Variants in NETO1 observed in about 807,000 individuals in gnomAD.
NETO1 encodes the protein neuropilin and tolloid-like protein 1.
In NETO1, 26 loss-of-function variants were observed where a neutral mutation model predicts 61.3. The observed-to-expected ratio is 0.42, with a 90% CI of 0.31 to 0.59. The LOEUF (loss-of-function observed/expected upper bound fraction) is 0.59. NETO1 is among the 20% of genes least tolerant of loss of function. The pLI, the probability that NETO1 is intolerant of heterozygous loss-of-function variation, is 0.12. For missense variants in NETO1, 531 were observed against 662.8 expected (o/e 0.80, Z 2.18); for synonymous variants, 225 against 225.8 (o/e 1.00, Z 0.03).
At chr18:72,855,127 C>T (rs1407064643) in intron 4 of NETO1, among the ~76,000 whole-genome samples, 7 of 152,132 alleles carry the variant, frequency 4.6e-5, no homozygotes, top group Non-Finnish European at 8.8e-5. Flanking sequence ...TATTCCATGG[C>T]GTAACTTTTA....
intron 7 of NETO1, among the ~76,000 whole-genome samples, chr18:72,777,460 G>T (rs1252827610): frequency 1.3e-5 from 2 of 148,760 alleles, no homozygotes; most frequent in Admixed American, 1.4e-4. Flanking sequence ...AAACAAAAAA[G>T]GCCGGGCGCG....
At chr18:72,852,827 CTTTTTCTTTT>C (rs907705921) in intron 4 of NETO1, among the ~76,000 whole-genome samples, 2 of 115,876 alleles carry the variant, frequency 1.7e-5, no homozygotes, top group Non-Finnish European at 1.9e-5. Flanking sequence ...TGATAATTTT[CTTTTTCTTTT>C]TTTTTTTTTT....
intron 1 of NETO1, among the ~76,000 whole-genome samples, chr18:72,865,952 C>T (rs1297947132): frequency 1.3e-5 from 2 of 152,036 alleles, no homozygotes; most frequent in African/African-American, 2.4e-5. Flanking sequence ...ACGTGATTTC[C>T]GAAAGCATTA....
intron 7 of NETO1, among the ~76,000 whole-genome samples, chr18:72,758,484 AAAG>A (rs1211299523): frequency 1.3e-5 from 2 of 151,744 alleles, no homozygotes; most frequent in African/African-American, 2.4e-5. Context: ...TTTTGCTAAT[AAAG>A]AATTGCTGTG....
rs2074714864 is a variant in NETO1 at position 72,865,743 on chromosome 18, G to A, written c.29-502C>T. ...TTAGACAAATCCTACAGACTGTGGAGGAGGAGAATAAGCAAGAAACAGATT... is the reference window on the plus strand; with the variant it reads ...TTAGACAAATCCTACAGACTGTGGAAGAGGAGAATAAGCAAGAAACAGATT... On this transcript the variant is annotated intron_variant, in intron 1 of 10. Transcript: ENST00000327305. The A allele has an allele frequency of 1.0e-5, 15 of 1,445,500 alleles. No individual in the cohort carries two copies. In the Admixed American group the frequency reaches 1.4e-4, roughly 13 times the overall value. 89.5% of individuals were successfully genotyped at this position (1,445,500 alleles called of 1,614,324 possible).
intron 7 of NETO1, among the ~76,000 whole-genome samples, chr18:72,766,283 TG>T (rs1184629411): frequency 6.6e-6 from 1 of 151,220 alleles, no homozygotes; most frequent in Non-Finnish European, 1.5e-5. Flanking sequence ...TTTTTAATTG[TG>T]GTACTCTACA....
intron 4 of NETO1, among the ~76,000 whole-genome samples, chr18:72,813,297 G>A (rs1400321938): frequency 1.3e-5 from 2 of 152,186 alleles, no homozygotes; most frequent in Non-Finnish European, 2.9e-5. Flanking sequence ...AGGGTTACAC[G>A]GATTATGCAT....
intron 4 of NETO1, among the ~76,000 whole-genome samples, chr18:72,805,661 G>A (rs2072651651): frequency 6.6e-6 from 1 of 152,124 alleles, no homozygotes; most frequent in East Asian, 1.9e-4. Flanking sequence ...TTAGGCAGTC[G>A]ACCTCCAGAT....
intron 4 of NETO1, among the ~76,000 whole-genome samples, chr18:72,824,291 A>T (rs2073304733): frequency 6.6e-6 from 1 of 152,218 alleles, no homozygotes; most frequent in Non-Finnish European, 1.5e-5. Context: ...ATTTGGCTGC[A>T]GGTAAACTTC....
intron 6 of NETO1, among the ~76,000 whole-genome samples, chr18:72,789,210 G>GCACACACACACACACACA (rs71166426): frequency 4.2e-5 from 6 of 141,460 alleles, no homozygotes; most frequent in East Asian, 2.2e-4. Flanking sequence ...TAACACACAA[G>GCACACACACACACACACA]CACACACACA....
In NETO1 at chr18:72,867,418, GGGCCGAGAGGGA is replaced by G; in HGVS notation, c.-139_-128del. Reference sequence around the variant, plus strand: ...CGCAAAGCAAGAAGGAAATAAAGGGGGGCCGAGAGGGAGACCGAGAGGAAGGGGGAGCTCCGA... The same window carrying G: ...CGCAAAGCAAGAAGGAAATAAAGGGGGACCGAGAGGAAGGGGGAGCTCCGA... On this transcript the variant is annotated 5_prime_UTR_variant, in exon 1 of 11. Transcript: ENST00000327305. The G allele has an allele frequency of 1.7e-6, 1 of 571,834 alleles. No individual in the cohort carries two copies. Among genetic ancestry groups the G allele is most frequent in the Non-Finnish European group, 2.9e-6 (1 of 350,004 alleles). The allele number at this position is 571,834 out of a possible 1,614,324, so 35.4% of individuals were successfully genotyped here. A position where few individuals can be genotyped will look rare whatever the true frequency, so the allele number is the denominator to read the frequency against.
intron 4 of NETO1, among the ~76,000 whole-genome samples, chr18:72,857,744 C>A (rs2074449457): frequency 6.6e-6 from 1 of 152,066 alleles, no homozygotes; most frequent in South Asian, 2.1e-4. Flanking sequence ...TGTGAGTAAT[C>A]CATTATCAGC....
downstream of NETO1, chr18:72,742,624 C>T (rs2070361037): frequency 6.6e-6 from 1 of 152,092 alleles, no homozygotes; most frequent in Non-Finnish European, 1.5e-5. Context: ...GCAGTACGTA[C>T]TATGTTGAAT....
At chr18:72,805,481 C>T (rs1042406242) in intron 4 of NETO1, among the ~76,000 whole-genome samples, 2 of 151,886 alleles carry the variant, frequency 1.3e-5, no homozygotes, top group African/African-American at 2.4e-5. Context: ...TAATATGTAC[C>T]AGATATTATT....
intron 6 of NETO1, among the ~76,000 whole-genome samples, chr18:72,789,633 G>T (rs886680538): frequency 2.0e-5 from 3 of 152,074 alleles, no homozygotes; most frequent in African/African-American, 7.2e-5. Context: ...TAGTTCTGTA[G>T]GTAGGAAGTA....
chr18:72,812,800 T>C (rs2072910143), intron 4 of NETO1, among the ~76,000 whole-genome samples: 1 of 152,170 alleles, frequency 6.6e-6, no homozygotes, highest in South Asian at 2.1e-4. Context: ...TTTCCTAACA[T>C]TAATTCAAGA....
At chr18:72,844,292 CT>C in intron 4 of NETO1, among the ~76,000 whole-genome samples, 1 of 152,270 alleles carries the variant, frequency 6.6e-6, no homozygotes. Flanking sequence ...GCTTCTAACA[CT>C]TTCTTATTGC....
intron 7 of NETO1, among the ~76,000 whole-genome samples, chr18:72,782,569 C>T (rs1201140245): frequency 2.0e-5 from 3 of 152,142 alleles, no homozygotes; most frequent in Non-Finnish European, 4.4e-5. Flanking sequence ...CTTTGGGAGG[C>T]CGAGGCAGGC....
intron 7 of NETO1, among the ~76,000 whole-genome samples, chr18:72,781,983 G>A (rs2071757578): frequency 6.6e-6 from 1 of 152,040 alleles, no homozygotes; most frequent in South Asian, 2.1e-4. Context: ...GGGTACTATG[G>A]TCCTCACCCT....
Sources: gnomAD v4.1 joint callset for allele counts (sites outside exome capture counted in the v4.1 genomes callset) on GRCh38, gnomAD v4.1.1 for gene constraint, MANE v1.5 for transcripts, NCBI Gene and HGNC (gene_info 2026-07-23, HGNC 2026-07-21) for gene names.